Variants in PTK2 observed in about 807,000 individuals in gnomAD.
PTK2 encodes focal adhesion kinase 1.
PTK2 carries 45 observed loss-of-function variants against 150.1 expected under a neutral mutation model. The ratio of observed to expected loss-of-function variants is 0.30; its 90% CI spans 0.24 to 0.38. The LOEUF (loss-of-function observed/expected upper bound fraction) is 0.38, where lower values mean the gene tolerates loss of function less well. Ranked by LOEUF, PTK2 falls within the 10% of genes least tolerant of loss-of-function variation. The probability of loss-of-function intolerance (pLI) is 1.00; values close to 1 mark genes in which losing one functional copy is unlikely to be tolerated. For synonymous variants in PTK2, 432 were observed against 449.2 expected (o/e 0.96, Z 0.48); for missense variants, 919 against 1,307.3 (o/e 0.70, Z 4.58).
rs531639416 is a variant in PTK2, at chr8:140,931,432, GT to G, written c.-121-5684del. Among the ~76,000 whole-genome samples, 465 of 152,122 alleles carry G rather than the reference GT, an allele frequency of 3.1e-3. 3 individuals carry two copies. Among genetic ancestry groups the G allele is most frequent in the African/African-American group, 0.011 (444 of 41,494 alleles). On this transcript the variant is annotated intron_variant, in intron 1 of 31. Transcript: ENST00000522684. ...ACCAAACAATTAGCTGGGCATGGTGGTGCCTGCCTGTAGTCCCAGCTGCTCA... is the reference window on the plus strand; with the variant it reads ...ACCAAACAATTAGCTGGGCATGGTGGGCCTGCCTGTAGTCCCAGCTGCTCA...
Position 140,733,312 on chromosome 8 carries a change from T to C in PTK2, c.2030+1939A>G, listed in dbSNP as rs146830661. 9.4e-3 allele frequency among the ~76,000 whole-genome samples: 1,430 copies of C among 152,176 alleles called. 19 individuals are homozygous for C. Among genetic ancestry groups the C allele is most frequent in the Admixed American group, 0.034 (517 of 15,288 alleles). ...CCAGCCAGCAATTTAAAATGTAGGT[T>C]TGGGACTTGAGAAAAGGGCAGGACC... On this transcript the variant is annotated intron_variant, in intron 22 of 31. Coordinates refer to ENST00000522684, the Ensembl canonical transcript of PTK2.
At chr8:140,842,606 C>G (rs749893694) in intron 7 of PTK2, among the ~76,000 whole-genome samples, 5 of 151,956 alleles carry the variant, frequency 3.3e-5, no homozygotes, top group Non-Finnish European at 7.4e-5. Context: ...AGTCAAGGTG[C>G]GATAAGGACT....
At chr8:140,723,770 T>C (rs2100044278) in intron 22 of PTK2, among the ~76,000 whole-genome samples, 1 of 152,142 alleles carries the variant, frequency 6.6e-6, no homozygotes, top group Non-Finnish European at 1.5e-5. Context: ...TAACAAACAT[T>C]AGCACAATGA....
intron 7 of PTK2, among the ~76,000 whole-genome samples, chr8:140,832,218 C>T (rs2100115855): frequency 6.6e-6 from 1 of 152,126 alleles, no homozygotes; most frequent in Non-Finnish European, 1.5e-5. Flanking sequence ...CCACGCCCAG[C>T]TATTTTTTGT....
intron 7 of PTK2, chr8:140,832,873 A>T (rs751470517): frequency 3.9e-6 from 2 of 518,986 alleles, no homozygotes; most frequent in East Asian, 1.1e-4. Context: ...GCAACTGGCC[A>T]TGTTTCAAGA....
rs545160628 is a variant in PTK2, at chr8:140,658,998, A to G, written c.*468T>C. 1.2e-4 allele frequency: 28 copies of G among 227,076 alleles called. No homozygotes were observed. In the East Asian group the frequency reaches 1.4e-3, roughly 11 times the overall value. The allele number at this position is 227,076 out of a possible 1,614,324, so 14.1% of individuals were successfully genotyped here. On this transcript the variant is annotated 3_prime_UTR_variant, in exon 32 of 32. Coordinates refer to ENST00000522684, the Ensembl canonical transcript of PTK2. ...CTGAAGGGTGTTCTAACAAACAAAA[A>G]TTCCAGTCTGGATAATAATTCTATG...
At chr8:140,892,866 T>C (rs1001146422) in intron 2 of PTK2, among the ~76,000 whole-genome samples, 1 of 152,130 alleles carries the variant, frequency 6.6e-6, no homozygotes, top group Admixed American at 6.5e-5. Context: ...GGCAAGGATG[T>C]GAAGAAACTG....
chr8:140,815,518 G>A (rs149778974), intron 10 of PTK2, among the ~76,000 whole-genome samples: 42 of 152,054 alleles, frequency 2.8e-4, no homozygotes, highest in African/African-American at 9.6e-4. Context: ...TGTGTGACAC[G>A]AGGTTACCTA....
At chr8:140,927,970 AAAAAAAT>A (rs1569056130) in intron 1 of PTK2, among the ~76,000 whole-genome samples, 1 of 93,496 alleles carries the variant, frequency 1.1e-5, no homozygotes, top group African/African-American at 4.3e-5. Flanking sequence ...AAAAAAAAAA[AAAAAAAT>A]ATATATATAT....
intron 1 of PTK2, among the ~76,000 whole-genome samples, chr8:140,972,835 A>G (rs1180561597): frequency 1.4e-5 from 2 of 143,720 alleles, no homozygotes; most frequent in Non-Finnish European, 3.0e-5. Context: ...TAAGTCTGCC[A>G]TTTTACATTT....
intron 3 of PTK2, among the ~76,000 whole-genome samples, chr8:140,886,472 G>A (rs1016502910): frequency 1.3e-5 from 2 of 152,180 alleles, no homozygotes; most frequent in African/African-American, 4.8e-5. Flanking sequence ...ATAGGCAGAA[G>A]GTTGGATTAA....
At chr8:140,909,300 T>C (rs996208104) in intron 2 of PTK2, among the ~76,000 whole-genome samples, 1 of 152,212 alleles carries the variant, frequency 6.6e-6, no homozygotes, top group Non-Finnish European at 1.5e-5. Flanking sequence ...TGGTTAAGTA[T>C]ATCCCTCAGA....
Position 140,664,937 on chromosome 8 carries a change from G to GT in PTK2, c.2925dup (p.Pro976ThrfsTer9). The GT allele has an allele frequency of 6.2e-7, 1 of 1,604,002 alleles. No individual in the cohort carries two copies. The highest frequency in any genetic ancestry group is 8.5e-7 in the Non-Finnish European group (1 of 1,175,846). ...CCTACCTCTCGGTGGGTGCTGGCTG[G>GT]TAGGAGGGGAATGGTCTCATCCACA... On this transcript the variant is annotated frameshift_variant, in exon 31 of 32. Transcript: ENST00000522684. LOFTEE classifies it high-confidence loss of function.
chr8:140,782,121 A>G (rs1174650579), intron 14 of PTK2, among the ~76,000 whole-genome samples: 1 of 152,214 alleles, frequency 6.6e-6, no homozygotes. Flanking sequence ...CTAGGAACAG[A>G]TCAATAACAT....
At chr8:140,710,480 T>C (rs2100036201) in intron 23 of PTK2, among the ~76,000 whole-genome samples, 1 of 151,944 alleles carries the variant, frequency 6.6e-6, no homozygotes, top group Admixed American at 6.6e-5. Flanking sequence ...ACCAGCCTGG[T>C]CAACATGGTG....
At chr8:140,674,611 T>C (rs905673789) in intron 28 of PTK2, among the ~76,000 whole-genome samples, 14 of 151,786 alleles carry the variant, frequency 9.2e-5, no homozygotes, top group Admixed American at 6.6e-4. Context: ...TGGTGGCACA[T>C]GCCTGTAATC....
intron 26 of PTK2, among the ~76,000 whole-genome samples, chr8:140,700,529 G>T (rs62524073): frequency 2.6e-5 from 4 of 151,572 alleles, no homozygotes; most frequent in African/African-American, 9.7e-5. Flanking sequence ...CGTCGCCCAG[G>T]CTGGAATGCA....
chr8:140,911,169 G>A (rs1358722912), intron 2 of PTK2, among the ~76,000 whole-genome samples: 1 of 152,078 alleles, frequency 6.6e-6, no homozygotes, highest in East Asian at 1.9e-4. Context: ...GGGATTACAG[G>A]CGTGAGCCAC....
intron 7 of PTK2, among the ~76,000 whole-genome samples, chr8:140,838,360 T>C (rs983185218): frequency 6.6e-6 from 1 of 152,226 alleles, no homozygotes; most frequent in Non-Finnish European, 1.5e-5. Flanking sequence ...GCTGCTGGGG[T>C]TCCCAGTTGC....
Sources: gnomAD v4.1 joint callset for allele counts (sites outside exome capture counted in the v4.1 genomes callset) on GRCh38, gnomAD v4.1.1 for gene constraint, MANE v1.5 for transcripts, NCBI Gene and HGNC (gene_info 2026-07-23, HGNC 2026-07-21) for gene names.